AKNAD1: variants seen among roughly 807,000 people sequenced by gnomAD.
AKNAD1 encodes protein AKNAD1.
AKNAD1 carries 67 observed loss-of-function variants against 90.8 expected under a neutral mutation model. The ratio of observed to expected loss-of-function variants is 0.74; its 90% CI spans 0.61 to 0.90. AKNAD1 has a LOEUF of 0.90. Ranked by LOEUF, AKNAD1 falls within the 40% of genes least tolerant of loss-of-function variation. AKNAD1 has a pLI of 0.00. For missense variants in AKNAD1, 957 were observed against 975.4 expected (o/e 0.98, Z 0.25); for synonymous variants, 327 against 341.4 (o/e 0.96, Z 0.46).
chr1:108,822,391 G>A (rs965406664), intron 13 of AKNAD1, among the ~76,000 whole-genome samples: 9 of 152,234 alleles, frequency 5.9e-5, no homozygotes, highest in South Asian at 2.1e-4. Flanking sequence ...TGCAGCCCTC[G>A]TTCGTATACT....
At chr1:108,839,048 C>T (rs1301041257) in intron 6 of AKNAD1, among the ~76,000 whole-genome samples, 1 of 152,104 alleles carries the variant, frequency 6.6e-6, no homozygotes, top group African/African-American at 2.4e-5. Flanking sequence ...TATATTTCAA[C>T]ATATATTTTT....
At chr1:108,816,950 C>A in intron 15 of AKNAD1, 98 bp downstream of exon 15, 1 of 1,437,818 alleles carries the variant, frequency 7.0e-7, no homozygotes, top group Non-Finnish European at 9.5e-7. Context: ...TTTTCTGAAG[C>A]TCTGATACTG....
intron 5 of AKNAD1, among the ~76,000 whole-genome samples, chr1:108,846,626 C>T (rs1210610454): frequency 6.6e-6 from 1 of 152,128 alleles, no homozygotes; most frequent in African/African-American, 2.4e-5. Flanking sequence ...CTCCGCTCCT[C>T]CCCAGCTGCC....
intron 2 of AKNAD1, among the ~76,000 whole-genome samples, chr1:108,849,778 G>C (rs1167378367): frequency 6.6e-6 from 1 of 152,160 alleles, no homozygotes; most frequent in African/African-American, 2.4e-5. Context: ...TTATAAGCCT[G>C]CAATTCTTTG....
chr1:108,830,273 T>G (rs1664142982), intron 10 of AKNAD1, among the ~76,000 whole-genome samples: 1 of 152,012 alleles, frequency 6.6e-6, no homozygotes, highest in Non-Finnish European at 1.5e-5. Flanking sequence ...AAAGCAATAT[T>G]CCTACCAGAG....
In AKNAD1 at chr1:108,817,008, C is replaced by T. The variant is rs1383836326; in HGVS notation, c.2379+40G>A. On this transcript the variant is annotated intron_variant, in intron 15 of 15. Coordinates refer to ENST00000370001, the MANE Select transcript of AKNAD1 (RefSeq NM_152763.5). ...TCTGTGGGCATCAAGATCAAACTTA[C>T]GAGCTGCAATGCTTCTCGAATGATT... is the stretch of plus-strand genomic sequence containing the variant. 7.5e-6 allele frequency: 12 copies of T among 1,608,102 alleles called. No homozygotes were observed. The Admixed American group carries it at 1.2e-4, about 16-fold the overall frequency.
intron 1 of AKNAD1, 80 bp downstream of exon 1, chr1:108,856,849 C>T (rs1289616217): frequency 6.6e-6 from 1 of 152,088 alleles, no homozygotes; most frequent in Non-Finnish European, 1.5e-5. Flanking sequence ...TACAGGAAAA[C>T]AGCTTCTGTT....
intron 8 of AKNAD1, 98 bp from the exon 9 acceptor site, chr1:108,834,626 A>G: frequency 7.9e-7 from 1 of 1,266,040 alleles, no homozygotes; most frequent in Non-Finnish European, 1.1e-6. Context: ...CACCCCTGGG[A>G]TGGTGGGAGC....
chr1:108,840,507 G>C (rs910061341), intron 6 of AKNAD1, among the ~76,000 whole-genome samples: 4 of 152,142 alleles, frequency 2.6e-5, no homozygotes, highest in African/African-American at 4.8e-5. Flanking sequence ...ATTTTATTAA[G>C]AACCTTGGTG....
chr1:108,823,571 G>GT lies in AKNAD1; in HGVS notation c.2053dup (p.Thr685AsnfsTer2), dbSNP rs774317628. ...AGGCCCCAGGTGAGTGTTACCTTTA[G>GT]TTGGTTCTTTCCTGCAGGCTCTTCG... On this transcript the variant is annotated frameshift_variant, in exon 12 of 16. Transcript: ENST00000370001. LOFTEE classifies it high-confidence loss of function. 6.2e-7 allele frequency: 1 copy of GT among 1,614,130 alleles called. No individual in the cohort carries two copies. Among genetic ancestry groups the GT allele is most frequent in the South Asian group, 1.1e-5 (1 of 91,082 alleles).
chr1:108,849,712 G>T, intron 2 of AKNAD1, 136 bp from the exon 3 acceptor site: 2 of 639,206 alleles, frequency 3.1e-6, no homozygotes, highest in Non-Finnish European at 5.6e-6. Flanking sequence ...TGATGCCAAG[G>T]TTGAATTCCA....
intron 7 of AKNAD1, 116 bp from the exon 8 acceptor site, chr1:108,835,172 T>TC: frequency 2.5e-6 from 3 of 1,189,408 alleles, no homozygotes; most frequent in Non-Finnish European, 2.3e-6. Flanking sequence ...CTGCCTGGCG[T>TC]CCCCCCACCC....
intron 5 of AKNAD1, among the ~76,000 whole-genome samples, chr1:108,848,461 C>T (rs1002762874): frequency 9.2e-5 from 14 of 152,306 alleles, no homozygotes; most frequent in African/African-American, 3.4e-4. Context: ...CTCTTTATAA[C>T]TGATTATGGG....
intron 9 of AKNAD1, among the ~76,000 whole-genome samples, chr1:108,832,520 C>T (rs895428580): frequency 1.3e-5 from 2 of 152,094 alleles, no homozygotes; most frequent in Non-Finnish European, 2.9e-5. Context: ...CCACTGCACC[C>T]GGCCAGTATG....
chr1:108,857,434 G>T (rs1665080964), upstream of AKNAD1: 1 of 153,012 alleles, frequency 6.5e-6, no homozygotes, highest in Non-Finnish European at 1.5e-5. Flanking sequence ...AATTTCTACA[G>T]ATGGGAAAAC....
At chr1:108,848,660 C>A in intron 5 of AKNAD1, 92 bp downstream of exon 5, 1 of 1,159,240 alleles carries the variant, frequency 8.6e-7, no homozygotes. Flanking sequence ...ACTCCCACCA[C>A]TGTAGAGAAA....
At chr1:108,855,798 T>TAATA (rs753195800) in intron 1 of AKNAD1, among the ~76,000 whole-genome samples, 28 of 148,888 alleles carry the variant, frequency 1.9e-4, no homozygotes, top group Non-Finnish European at 3.6e-4. Flanking sequence ...AAATAAAAAA[T>TAATA]AATAAATAAA....
intron 2 of AKNAD1, among the ~76,000 whole-genome samples, chr1:108,850,566 T>C (rs745789355): frequency 3.3e-5 from 5 of 151,996 alleles, no homozygotes; most frequent in African/African-American, 7.3e-5. Flanking sequence ...TGTAGGGGGT[T>C]CTGCTCAAAC....
intron 9 of AKNAD1, among the ~76,000 whole-genome samples, chr1:108,831,777 C>G (rs1433254790): frequency 6.6e-6 from 1 of 151,996 alleles, no homozygotes; most frequent in African/African-American, 2.4e-5. Context: ...CAGGTGCCCA[C>G]CACTACCCCC....
Sources: allele counts gnomAD v4.1 joint callset (sites outside exome capture counted in the v4.1 genomes callset), GRCh38; gene constraint gnomAD v4.1.1; transcripts MANE v1.5; gene names NCBI Gene and HGNC (gene_info 2026-07-23, HGNC 2026-07-21).